EHBP1: variants seen among roughly 807,000 people sequenced by gnomAD.
The protein encoded by EHBP1 is EH domain-binding protein 1.
In EHBP1, 55 loss-of-function variants were observed where a neutral mutation model predicts 144.0. That is an observed-to-expected ratio of 0.38 (90% CI 0.31 to 0.48). EHBP1 has a LOEUF of 0.48. Among genes scored for constraint, EHBP1 ranks in the 20% least tolerant of loss-of-function variants. The probability of loss-of-function intolerance (pLI) is 0.98; values close to 1 mark genes in which losing one functional copy is unlikely to be tolerated. For missense variants in EHBP1, 1,200 were observed against 1,364.2 expected (o/e 0.88, Z 1.90); for synonymous variants, 469 against 472.7 (o/e 0.99, Z 0.10).
intron 21 of EHBP1, among the ~76,000 whole-genome samples, 163 bp downstream of exon 21, chr2:63,038,979 A>G (rs917306047): frequency 2.0e-5 from 3 of 152,182 alleles, no homozygotes; most frequent in Non-Finnish European, 2.9e-5. Context: ...TATAAACTTA[A>G]GGACCCTAAT....
At chr2:62,940,227 A>G in intron 10 of EHBP1, 1 of 320,632 alleles carries the variant, frequency 3.1e-6, no homozygotes, top group African/African-American at 2.2e-5. Context: ...ATTGTTAAAT[A>G]GATTTATTCG....
At chr2:62,789,412 A>G (rs2043027543) in intron 5 of EHBP1, among the ~76,000 whole-genome samples, 1 of 152,178 alleles carries the variant, frequency 6.6e-6, no homozygotes, top group East Asian at 1.9e-4. Context: ...GAGTGTTTTA[A>G]AAATGTGACT....
intron 5 of EHBP1, among the ~76,000 whole-genome samples, chr2:62,818,638 G>A (rs565510453): frequency 6.8e-4 from 104 of 152,256 alleles, no homozygotes; most frequent in African/African-American, 2.4e-3. Flanking sequence ...TCAGGAGTTA[G>A]AACAGAATAT....
At chr2:62,901,785 G>A (rs2152948843) in intron 10 of EHBP1, among the ~76,000 whole-genome samples, 1 of 152,006 alleles carries the variant, frequency 6.6e-6, no homozygotes, top group Non-Finnish European at 1.5e-5. Context: ...GGGCAACATG[G>A]CAAAACCCTA....
chr2:63,037,710 G>A (rs896085934), intron 20 of EHBP1, 76 bp downstream of exon 20: 2 of 799,202 alleles, frequency 2.5e-6, no homozygotes, highest in Non-Finnish European at 4.0e-6. Context: ...CCTTCTTTGG[G>A]ATTTAATATT....
rs369857593 is a variant in EHBP1, at chr2:62,695,451, C to T, written c.-295-11446C>T. Reference sequence around the variant, plus strand: ...TTCAGAAGACATTCTAGAAATAAAACGTTTTGTGAAAGAAGATTCTTTAAT... The same window carrying T: ...TTCAGAAGACATTCTAGAAATAAAATGTTTTGTGAAAGAAGATTCTTTAAT... On this transcript the variant is annotated intron_variant, in intron 1 of 22. Transcript: ENST00000405015. Among the ~76,000 whole-genome samples the T allele has an allele frequency of 1.8e-4, 27 of 152,204 alleles. No homozygotes were observed. In the South Asian group the frequency reaches 2.3e-3, roughly 13 times the overall value.
upstream of EHBP1, among the ~76,000 whole-genome samples, chr2:62,705,331 G>A (rs2034444584): frequency 6.6e-6 from 1 of 152,078 alleles, no homozygotes; most frequent in Non-Finnish European, 1.5e-5. Flanking sequence ...ACCCTTAGGG[G>A]CCAGAAACCC....
chr2:62,730,771 C>CAGAT (rs529636095), intron 2 of EHBP1, among the ~76,000 whole-genome samples: 43,608 of 138,908 alleles, frequency 0.31, 5,938 homozygotes, highest in Middle Eastern at 0.41. Context: ...GAGAGACAGA[C>CAGAT]AAAGAGACAG....
chr2:62,687,602 T>C (rs1165503771), intron 1 of EHBP1, among the ~76,000 whole-genome samples: 1 of 152,244 alleles, frequency 6.6e-6, no homozygotes. Flanking sequence ...TACAAATGCA[T>C]TGTGATTTGA....
chr2:62,901,844 C>T (rs897295626), intron 10 of EHBP1, among the ~76,000 whole-genome samples: 3 of 151,596 alleles, frequency 2.0e-5, no homozygotes, highest in Non-Finnish European at 2.9e-5. Context: ...CGATTCCTGA[C>T]GTCCCAGCTG....
chr2:62,753,460 G>A (rs1484955014), intron 3 of EHBP1, among the ~76,000 whole-genome samples: 1 of 152,088 alleles, frequency 6.6e-6, no homozygotes, highest in Non-Finnish European at 1.5e-5. Flanking sequence ...CAACTTTGGT[G>A]AGTCTGACAA....
chr2:62,715,389 C>T (rs1273611279), intron 2 of EHBP1, among the ~76,000 whole-genome samples: 1 of 151,924 alleles, frequency 6.6e-6, no homozygotes, highest in Non-Finnish European at 1.5e-5. Flanking sequence ...GCTGGGATTA[C>T]AGATGTGAGC....
intron 19 of EHBP1, among the ~76,000 whole-genome samples, chr2:63,036,374 C>A (rs2061440682): frequency 6.6e-6 from 1 of 151,818 alleles, no homozygotes. Flanking sequence ...AATGTGGTCT[C>A]AAGGAGATAT....
chr2:62,739,610 A>T (rs2038494245), intron 2 of EHBP1, among the ~76,000 whole-genome samples: 1 of 151,866 alleles, frequency 6.6e-6, no homozygotes, highest in Non-Finnish European at 1.5e-5. Context: ...TACAGCAGTG[A>T]TTCATTATAG....
At position 62,764,370 on chromosome 2, in the gene EHBP1, C is replaced by A. The variant is rs778945269; in HGVS notation, c.258+9C>A. Reference sequence around the variant, plus strand: ...CTGTAACACTTTTTAAGGTAAGTTCCATTTTTATAGGCTATAGAATTTATT... The same window carrying A: ...CTGTAACACTTTTTAAGGTAAGTTCAATTTTTATAGGCTATAGAATTTATT... On this transcript the variant is annotated intron_variant, in intron 4 of 22. Coordinates refer to ENST00000431489, the MANE Select transcript of EHBP1 (RefSeq NM_001142616.3). 1 of 1,556,630 alleles carries A rather than the reference C, an allele frequency of 6.4e-7. No individual in the cohort carries two copies. The highest frequency in any genetic ancestry group is 1.2e-5 in the South Asian group (1 of 81,684).
intron 10 of EHBP1, among the ~76,000 whole-genome samples, chr2:62,926,812 TA>T (rs1348874959): frequency 6.6e-6 from 1 of 152,112 alleles, no homozygotes; most frequent in Non-Finnish European, 1.5e-5. Context: ...AGAACTACCA[TA>T]TGATCCAGCA....
At chr2:62,899,125 G>T (rs1470018588) in intron 10 of EHBP1, among the ~76,000 whole-genome samples, 1 of 152,170 alleles carries the variant, frequency 6.6e-6, no homozygotes, top group African/African-American at 2.4e-5. Context: ...TAATCAGAAG[G>T]TGCTGGCTTG....
intron 3 of EHBP1, among the ~76,000 whole-genome samples, chr2:62,750,051 C>T (rs990754409): frequency 2.0e-5 from 3 of 152,136 alleles, no homozygotes; most frequent in Non-Finnish European, 2.9e-5. Context: ...GACATGAAGT[C>T]CTTGCCCATG....
intron 10 of EHBP1, among the ~76,000 whole-genome samples, chr2:62,893,984 G>T (rs1392558425): frequency 6.6e-6 from 1 of 151,728 alleles, no homozygotes; most frequent in Non-Finnish European, 1.5e-5. Context: ...GGCAGAAGTT[G>T]CAGTGAGCCA....
Sources: allele counts gnomAD v4.1 joint callset (sites outside exome capture counted in the v4.1 genomes callset), GRCh38; gene constraint gnomAD v4.1.1; transcripts MANE v1.5; gene names NCBI Gene and HGNC (gene_info 2026-07-23, HGNC 2026-07-21).